Variants in IGF2BP2 observed in about 807,000 individuals in gnomAD.
IGF2BP2 encodes the protein insulin-like growth factor 2 mRNA-binding protein 2.
Under a neutral mutation model 75.8 loss-of-function variants are expected in IGF2BP2, and 17 were observed. That is an observed-to-expected ratio of 0.22 (90% CI 0.15 to 0.34). IGF2BP2 has a LOEUF of 0.34. IGF2BP2 is among the 10% of genes least tolerant of loss of function. IGF2BP2 has a pLI of 1.00. For missense variants in IGF2BP2, 516 were observed against 772.4 expected (o/e 0.67, Z 3.93); for synonymous variants, 288 against 295.6 (o/e 0.97, Z 0.26).
intron 2 of IGF2BP2, among the ~76,000 whole-genome samples, chr3:185,722,812 A>G (rs984034297): frequency 9.5e-4 from 144 of 152,340 alleles, no homozygotes; most frequent in African/African-American, 3.3e-3. Flanking sequence ...ACACATATAC[A>G]TATACACAGT....
chr3:185,667,847 G>A lies in IGF2BP2; in HGVS notation c.1200+4694C>T, dbSNP rs77524450. On this transcript the variant is annotated intron_variant, in intron 10 of 15. Coordinates refer to ENST00000382199, the MANE Select transcript of IGF2BP2 (RefSeq NM_006548.6). ...CTTGTGGCAACCCTATGTCACACAA[G>A]TCTATTGGTATCATTTGTCCAAATG... is the stretch of plus-strand genomic sequence containing the variant. Among the ~76,000 whole-genome samples, 239 of 152,248 alleles carry A rather than the reference G, an allele frequency of 1.6e-3. 2 individuals are homozygous for A. The highest frequency in any genetic ancestry group is 5.5e-3 in the African/African-American group (227 of 41,558).
At chr3:185,717,185 C>A (rs1214622230) in intron 2 of IGF2BP2, 3 of 180,172 alleles carry the variant, frequency 1.7e-5, no homozygotes, top group African/African-American at 2.4e-5. Flanking sequence ...GGGCTGGGCA[C>A]CCCGGTCTAT....
intron 2 of IGF2BP2, among the ~76,000 whole-genome samples, chr3:185,783,985 A>G (rs1735541185): frequency 6.6e-6 from 1 of 152,238 alleles, no homozygotes; most frequent in Non-Finnish European, 1.5e-5. Flanking sequence ...CAGTAATCCC[A>G]GCCCTTTGGG....
In IGF2BP2 at chr3:185,643,877, A is replaced by G. The variant is rs1713070112; in HGVS notation, c.*1654T>C. ...TAATGGCTTGTCCACATAAACCAGT[A>G]CATGTTCATCCTTTAGCGCAAAAAG... On this transcript the variant is annotated 3_prime_UTR_variant, in exon 16 of 16. Coordinates refer to ENST00000382199, the MANE Select transcript of IGF2BP2 (RefSeq NM_006548.6). 1 of 147,654 alleles carries G rather than the reference A, an allele frequency of 6.8e-6. No individual in the cohort carries two copies. Among genetic ancestry groups the G allele is most frequent in the African/African-American group, 2.5e-5 (1 of 39,788 alleles). The allele number at this position is 147,654 out of a possible 1,614,324, so 9.1% of individuals were successfully genotyped here.
intron 10 of IGF2BP2, among the ~76,000 whole-genome samples, chr3:185,666,278 G>C (rs1239467967): frequency 2.0e-5 from 3 of 152,188 alleles, no homozygotes; most frequent in African/African-American, 7.2e-5. Flanking sequence ...AGTGAGCAAT[G>C]AAACCAGTAA....
At position 185,731,246 on chromosome 3, in the gene IGF2BP2, C is replaced by CTTT. The variant is rs760172663; in HGVS notation, c.240-32902_240-32900dup. 2.7e-4 allele frequency among the ~76,000 whole-genome samples: 35 copies of CTTT among 129,240 alleles called. No individual in the cohort carries two copies. The South Asian group carries it at 3.7e-3, about 14-fold the overall frequency. The allele number at this position is 129,240 out of a possible 152,430, so 84.8% of individuals were successfully genotyped here. Reference sequence around the variant, plus strand: ...GCAGGCTGTGTAGCTGCATCACTTTCTTTTTTTTTTTTTTTTTTGAGATGG... The same window carrying CTTT: ...GCAGGCTGTGTAGCTGCATCACTTTCTTTTTTTTTTTTTTTTTTTTTGAGATGG... On this transcript the variant is annotated intron_variant, in intron 2 of 15. Transcript: ENST00000382199.
chr3:185,824,327 G>A (rs1273384380), intron 1 of IGF2BP2, among the ~76,000 whole-genome samples: 2 of 151,518 alleles, frequency 1.3e-5, no homozygotes, highest in Non-Finnish European at 2.9e-5. Context: ...ACGAGGCACT[G>A]GAAGAGAGAA....
intron 2 of IGF2BP2, among the ~76,000 whole-genome samples, chr3:185,775,095 T>A (rs1196867104): frequency 6.6e-6 from 1 of 152,116 alleles, no homozygotes; most frequent in Admixed American, 6.5e-5. Context: ...TCTAGCAAGT[T>A]ACTTAAGCTC....
At chr3:185,771,484 G>A (rs1317606717) in intron 2 of IGF2BP2, among the ~76,000 whole-genome samples, 1 of 151,206 alleles carries the variant, frequency 6.6e-6, no homozygotes, top group Non-Finnish European at 1.5e-5. Flanking sequence ...TGTTTTAACT[G>A]TTTTACAATT....
chr3:185,705,294 A>C (rs896639307), intron 2 of IGF2BP2, among the ~76,000 whole-genome samples: 1 of 152,088 alleles, frequency 6.6e-6, no homozygotes, highest in Admixed American at 6.5e-5. Context: ...ACAGGGTTTC[A>C]CCATGTTGGC....
intron 2 of IGF2BP2, among the ~76,000 whole-genome samples, chr3:185,741,244 CCT>C (rs146573171): frequency 0.023 from 3,538 of 152,236 alleles, 68 homozygotes; most frequent in Middle Eastern, 0.054. Flanking sequence ...ATATAAAAAT[CCT>C]CTCAGAGATA....
intron 2 of IGF2BP2, among the ~76,000 whole-genome samples, chr3:185,701,710 C>T (rs1408916440): frequency 6.6e-6 from 1 of 152,192 alleles, no homozygotes; most frequent in Non-Finnish European, 1.5e-5. Context: ...GAGGAATAAT[C>T]TCTTAAAAGC....
intron 2 of IGF2BP2, among the ~76,000 whole-genome samples, chr3:185,788,360 T>C (rs545177096): frequency 9.9e-5 from 15 of 152,056 alleles, no homozygotes; most frequent in African/African-American, 3.6e-4. Flanking sequence ...TCTCTATAAA[T>C]AATAAAAAAT....
intron 2 of IGF2BP2, among the ~76,000 whole-genome samples, chr3:185,701,577 T>C (rs2149374413): frequency 6.6e-6 from 1 of 152,212 alleles, no homozygotes; most frequent in Non-Finnish European, 1.5e-5. Context: ...CGCCCAATGC[T>C]GATTACCCCA....
chr3:185,687,977 A>T (rs911569297), intron 6 of IGF2BP2, among the ~76,000 whole-genome samples: 2 of 151,956 alleles, frequency 1.3e-5, no homozygotes, highest in Non-Finnish European at 2.9e-5. Flanking sequence ...AAAAGACACA[A>T]ATAAAAGTCA....
At chr3:185,823,122 G>T in intron 2 of IGF2BP2, 31 bp downstream of exon 2, 1 of 1,433,546 alleles carries the variant, frequency 7.0e-7, no homozygotes, top group Non-Finnish European at 9.6e-7. Context: ...AAGGCCAATC[G>T]CAAAAAAAAA....
intron 2 of IGF2BP2, among the ~76,000 whole-genome samples, chr3:185,768,349 G>C (rs1165372701): frequency 6.6e-6 from 1 of 152,090 alleles, no homozygotes; most frequent in Non-Finnish European, 1.5e-5. Flanking sequence ...TATGTAGTTA[G>C]AGGTGTCACG....
intron 10 of IGF2BP2, among the ~76,000 whole-genome samples, chr3:185,666,964 G>T (rs1005604780): frequency 1.3e-5 from 2 of 152,156 alleles, no homozygotes; most frequent in Non-Finnish European, 2.9e-5. Flanking sequence ...CATAGTAAAA[G>T]TTGGCCACCT....
chr3:185,803,329 C>G (rs1478700011), intron 2 of IGF2BP2, among the ~76,000 whole-genome samples: 2 of 152,226 alleles, frequency 1.3e-5, no homozygotes, highest in Non-Finnish European at 2.9e-5. Context: ...CCAGTCTGGA[C>G]AGCAGAGCAA....
Sources: gnomAD v4.1 joint callset for allele counts (sites outside exome capture counted in the v4.1 genomes callset) on GRCh38, gnomAD v4.1.1 for gene constraint, MANE v1.5 for transcripts, NCBI Gene and HGNC (gene_info 2026-07-23, HGNC 2026-07-21) for gene names.